SLCO3A1: variants seen among roughly 807,000 people sequenced by gnomAD.
SLCO3A1 encodes the protein PGE1 transporter.
Under a neutral mutation model 63.1 loss-of-function variants are expected in SLCO3A1, and 27 were observed. The ratio of observed to expected loss-of-function variants is 0.43; its 90% CI spans 0.32 to 0.59. The LOEUF is 0.59. SLCO3A1 is among the 20% of genes least tolerant of loss of function. The pLI is 0.09. For missense variants in SLCO3A1, 773 were observed against 945.8 expected, an observed-to-expected ratio of 0.82 and a Z score of 2.40; for synonymous variants, 473 against 409.9, an observed-to-expected ratio of 1.15 and a Z score of -1.86.
chr15:91,975,015 A>G (rs1012535197), intron 2 of SLCO3A1, among the ~76,000 whole-genome samples: 9 of 152,162 alleles, frequency 5.9e-5, no homozygotes, highest in African/African-American at 1.9e-4. Context: ...TGCAGTTCCT[A>G]TCTGTAAAAT....
At chr15:91,984,415 T>C (rs1476026711) in intron 2 of SLCO3A1, among the ~76,000 whole-genome samples, 1 of 152,230 alleles carries the variant, frequency 6.6e-6, no homozygotes, top group East Asian at 1.9e-4. Flanking sequence ...TTCTGCAAAG[T>C]CTGGATACCC....
At chr15:92,072,312 C>CTTT (rs1357914251) in intron 2 of SLCO3A1, among the ~76,000 whole-genome samples, 7 of 143,716 alleles carry the variant, frequency 4.9e-5, no homozygotes, top group East Asian at 2.0e-4. Context: ...TTTTCTTTTT[C>CTTT]TTTTTCTTTT....
chr15:92,081,251 C>A (rs2047341761), intron 2 of SLCO3A1, among the ~76,000 whole-genome samples: 1 of 152,110 alleles, frequency 6.6e-6, no homozygotes. Context: ...CCCTTCCCAG[C>A]CTCTGGTAAC....
intron 2 of SLCO3A1, among the ~76,000 whole-genome samples, chr15:92,021,103 T>G (rs933757912): frequency 6.6e-5 from 10 of 152,226 alleles, no homozygotes; most frequent in Non-Finnish European, 4.4e-5. Context: ...ACTCAACAAA[T>G]GGCAGCCACT....
At chr15:92,154,661 T>C (rs904126169) in intron 9 of SLCO3A1, among the ~76,000 whole-genome samples, 4 of 152,030 alleles carry the variant, frequency 2.6e-5, no homozygotes, top group Non-Finnish European at 5.9e-5. Context: ...GTCTCCCTTG[T>C]TGCTTTACCC....
At chr15:91,989,795 A>G (rs769368545) in intron 2 of SLCO3A1, among the ~76,000 whole-genome samples, 2 of 152,256 alleles carry the variant, frequency 1.3e-5, no homozygotes, top group Non-Finnish European at 2.9e-5. Flanking sequence ...AGCATCTGTC[A>G]TCTCCATTAT....
chr15:92,163,710 C>T lies in SLCO3A1; in HGVS notation c.*575C>T. ...TCTCTCTGACTTTCGCAATATGGGTCACTGTGTAGACGACTCACCCAGTCT... is the reference window on the plus strand; with the variant it reads ...TCTCTCTGACTTTCGCAATATGGGTTACTGTGTAGACGACTCACCCAGTCT... On this transcript the variant is annotated 3_prime_UTR_variant, in exon 10 of 10. Transcript: ENST00000318445. 2 of 985,444 alleles carry T rather than the reference C, an allele frequency of 2.0e-6. No individual in the cohort carries two copies. The highest frequency in any genetic ancestry group is 2.4e-6 in the Non-Finnish European group (2 of 829,986). The allele number at this position is 985,444 out of a possible 1,614,324, so 61.0% of individuals were successfully genotyped here.
At chr15:92,035,030 T>C (rs941934182) in intron 2 of SLCO3A1, among the ~76,000 whole-genome samples, 1 of 151,860 alleles carries the variant, frequency 6.6e-6, no homozygotes. Flanking sequence ...AAGGTCATAG[T>C]TAAAGAGGCA....
At chr15:92,146,688 C>T (rs2048228616) in intron 7 of SLCO3A1, among the ~76,000 whole-genome samples, 1 of 152,206 alleles carries the variant, frequency 6.6e-6, no homozygotes, top group Admixed American at 6.5e-5. Flanking sequence ...AATTTCCTCT[C>T]TAATTGTATT....
At chr15:91,951,563 T>C (rs1265326577) in intron 2 of SLCO3A1, among the ~76,000 whole-genome samples, 3 of 150,950 alleles carry the variant, frequency 2.0e-5, no homozygotes, top group African/African-American at 4.9e-5. Context: ...CTTTTCTTTT[T>C]TTTTTTTTTT....
chr15:92,042,967 G>A (rs962182632), intron 2 of SLCO3A1, among the ~76,000 whole-genome samples: 3 of 152,146 alleles, frequency 2.0e-5, no homozygotes, highest in Non-Finnish European at 2.9e-5. Context: ...TAGAAGATAA[G>A]AGAGAGATTC....
At chr15:92,169,938 T>G (rs191875039), downstream of SLCO3A1, among the ~76,000 whole-genome samples, 36 of 152,306 alleles carry the variant, frequency 2.4e-4, no homozygotes, top group Non-Finnish European at 4.9e-4. Flanking sequence ...ATTTTTGTAA[T>G]AGTGACTCAG....
chr15:92,060,644 C>G (rs987802547), intron 2 of SLCO3A1, among the ~76,000 whole-genome samples: 1 of 151,976 alleles, frequency 6.6e-6, no homozygotes, highest in Non-Finnish European at 1.5e-5. Context: ...GGACTACAGA[C>G]GCACAGTGCC....
chr15:92,042,200 T>A lies in SLCO3A1; in HGVS notation c.647-52681T>A, dbSNP rs73536147. 2.1e-3 allele frequency among the ~76,000 whole-genome samples: 319 copies of A among 152,318 alleles called. 1 individual carries two copies. Among genetic ancestry groups the A allele is most frequent in the Middle Eastern group, 0.01 (3 of 292 alleles). On this transcript the variant is annotated intron_variant, in intron 2 of 9. Coordinates refer to ENST00000318445, the MANE Select transcript of SLCO3A1 (RefSeq NM_013272.4). ...TCATCTTTCCTTGAGTAAACACTTT[T>A]ACTCTTTCTTTTTACTGCTACCATT... is the stretch of plus-strand genomic sequence containing the variant.
intron 7 of SLCO3A1, among the ~76,000 whole-genome samples, chr15:92,135,643 G>C (rs2048047835): frequency 1.3e-5 from 2 of 152,246 alleles, no homozygotes; most frequent in Non-Finnish European, 2.9e-5. Context: ...ACAGGAGACT[G>C]TCTGAGGAAC....
intron 2 of SLCO3A1, among the ~76,000 whole-genome samples, chr15:91,956,133 A>G (rs1235783647): frequency 1.3e-5 from 2 of 152,116 alleles, no homozygotes; most frequent in Non-Finnish European, 2.9e-5. Flanking sequence ...CAGCTTTTGG[A>G]AAAGGAAAAT....
At chr15:92,032,484 A>C (rs1049818854) in intron 2 of SLCO3A1, among the ~76,000 whole-genome samples, 1 of 152,136 alleles carries the variant, frequency 6.6e-6, no homozygotes, top group African/African-American at 2.4e-5. Flanking sequence ...CCATAGAGTC[A>C]GTGCAGGGGT....
intron 2 of SLCO3A1, among the ~76,000 whole-genome samples, chr15:91,994,201 G>T (rs887615917): frequency 3.9e-5 from 6 of 152,086 alleles, no homozygotes; most frequent in African/African-American, 1.4e-4. Context: ...TTTGTTTTAA[G>T]GCCTTTGCAA....
intron 2 of SLCO3A1, among the ~76,000 whole-genome samples, chr15:92,018,701 T>A (rs1027093311): frequency 1.3e-5 from 2 of 152,146 alleles, no homozygotes; most frequent in African/African-American, 4.8e-5. Context: ...GGAGCCTGTC[T>A]CACCTGTGGG....
Sources: gnomAD v4.1 joint callset for allele counts (sites outside exome capture counted in the v4.1 genomes callset) on GRCh38, gnomAD v4.1.1 for gene constraint, MANE v1.5 for transcripts, NCBI Gene and HGNC (gene_info 2026-07-23, HGNC 2026-07-21) for gene names.